C12orf42: variants seen among roughly 807,000 people sequenced by gnomAD.
C12orf42 encodes chromosome 12 open reading frame 42.
In C12orf42, 25 loss-of-function variants were observed where a neutral mutation model predicts 21.6. The ratio of observed to expected loss-of-function variants is 1.16; its 90% confidence interval spans 0.84 to 1.62. The LOEUF (loss-of-function observed/expected upper bound fraction) is 1.62. C12orf42 is among the 40% of genes most tolerant of loss of function. The probability of loss-of-function intolerance (pLI) is 0.00; values close to 1 mark genes in which losing one functional copy is unlikely to be tolerated. For missense variants in C12orf42, 483 were observed against 459.3 expected, an observed-to-expected ratio of 1.05 and a Z score of -0.47; for synonymous variants, 174 against 175.0, an observed-to-expected ratio of 0.99 and a Z score of 0.05.
the C12orf42 span, among the ~76,000 whole-genome samples, chr12:103,163,755 G>A: frequency 0.031 from 4,752 of 152,254 alleles, 256 homozygotes; most frequent in African/African-American, 0.11. Flanking sequence ...GTGATTAGCT[G>A]TGTGATATGG....
At chr12:103,306,414 A>T in intron 4 of C12orf42, 69 bp from the exon 5 acceptor site, 1 of 1,478,888 alleles carries the variant, frequency 6.8e-7, no homozygotes, top group East Asian at 2.4e-5. Flanking sequence ...GGCAGGAAGG[A>T]TGGAGTCAGG....
At chr12:103,281,050 A>C (rs1391795698) in intron 4 of C12orf42, among the ~76,000 whole-genome samples, 1 of 152,266 alleles carries the variant, frequency 6.6e-6, no homozygotes, top group Non-Finnish European at 1.5e-5. Context: ...TGAAGTTTAC[A>C]TAGAAATAAA....
the C12orf42 span, chr12:103,550,384 C>T: frequency 6.6e-6 from 1 of 152,052 alleles, no homozygotes; most frequent in Admixed American, 6.6e-5. Flanking sequence ...GTAGAGTATT[C>T]CATCGTCCTA....
intron 3 of C12orf42, among the ~76,000 whole-genome samples, chr12:103,386,519 C>T (rs2138333538): frequency 6.6e-6 from 1 of 152,318 alleles, no homozygotes; most frequent in South Asian, 2.1e-4. Context: ...AAACGAATGA[C>T]TCTGGTTAAG....
the C12orf42 span, among the ~76,000 whole-genome samples, chr12:103,562,299 G>A: frequency 2.6e-5 from 4 of 152,242 alleles, no homozygotes; most frequent in East Asian, 1.9e-4. Flanking sequence ...CAGAACTTCT[G>A]CTAAAGTTGT....
At chr12:103,426,846 T>A (rs1034965574) in intron 2 of C12orf42, among the ~76,000 whole-genome samples, 1 of 152,158 alleles carries the variant, frequency 6.6e-6, no homozygotes, top group Non-Finnish European at 1.5e-5. Flanking sequence ...GAATTTCATA[T>A]CCAGCCAAAC....
chr12:103,453,221 ATTTC>A, intron 2 of C12orf42, among the ~76,000 whole-genome samples: 1 of 151,368 alleles, frequency 6.6e-6, no homozygotes, highest in Non-Finnish European at 1.5e-5. Flanking sequence ...CAGGTTTTCT[ATTTC>A]TTCTTAGATT....
intron 6 of C12orf42, chr12:103,269,083 C>G (rs986460792): frequency 5.9e-5 from 9 of 152,146 alleles, no homozygotes; most frequent in Non-Finnish European, 8.8e-5. Context: ...CTTCTGATGA[C>G]AACTTCAGAG....
intron 4 of C12orf42, among the ~76,000 whole-genome samples, chr12:103,288,006 C>A (rs550414399): frequency 6.6e-6 from 1 of 152,166 alleles, no homozygotes; most frequent in African/African-American, 2.4e-5. Context: ...TCCCTGATGA[C>A]CAAACAGCGA....
chr12:103,535,788 T>C, the C12orf42 span, among the ~76,000 whole-genome samples: 22 of 152,104 alleles, frequency 1.4e-4, no homozygotes, highest in Non-Finnish European at 2.6e-4. Flanking sequence ...TAAGAATTTT[T>C]TTATTTTTAG....
At chr12:103,273,082 C>T (rs1463362254) in intron 5 of C12orf42, among the ~76,000 whole-genome samples, 3 of 152,182 alleles carry the variant, frequency 2.0e-5, no homozygotes, top group Non-Finnish European at 4.4e-5. Flanking sequence ...TTTCCTCCCA[C>T]ATCTTCAACA....
At chr12:103,050,003 T>C in the C12orf42 span, among the ~76,000 whole-genome samples, 1 of 152,206 alleles carries the variant, frequency 6.6e-6, no homozygotes, top group African/African-American at 2.4e-5. Context: ...TTGGTTGTTA[T>C]CTGTTGCCCC....
the C12orf42 span, among the ~76,000 whole-genome samples, chr12:103,148,296 C>A: frequency 6.6e-6 from 1 of 152,136 alleles, no homozygotes; most frequent in Non-Finnish European, 1.5e-5. Flanking sequence ...CTCTATGATT[C>A]TATCAAGAGT....
At chr12:103,262,074 C>T (rs979689425) in intron 10 of C12orf42, among the ~76,000 whole-genome samples, 7 of 152,216 alleles carry the variant, frequency 4.6e-5, no homozygotes, top group East Asian at 3.9e-4. Flanking sequence ...GAATATGTCA[C>T]GGTTTGTACC....
At chr12:103,134,412 T>C in the C12orf42 span, among the ~76,000 whole-genome samples, 1 of 151,936 alleles carries the variant, frequency 6.6e-6, no homozygotes, top group Non-Finnish European at 1.5e-5. Context: ...AAGAGCTAGA[T>C]ACCATAAAAA....
chr12:103,301,349 T>A (rs1472974852), downstream of C12orf42, among the ~76,000 whole-genome samples: 1 of 152,142 alleles, frequency 6.6e-6, no homozygotes, highest in Non-Finnish European at 1.5e-5. Flanking sequence ...AAAACCCTAC[T>A]ATATTAAAAA....
the C12orf42 span, among the ~76,000 whole-genome samples, chr12:103,066,618 T>A: frequency 6.6e-6 from 1 of 152,094 alleles, no homozygotes; most frequent in Non-Finnish European, 1.5e-5. Context: ...AGCAGTGCAC[T>A]GTTTGTGCTC....
the C12orf42 span, among the ~76,000 whole-genome samples, chr12:103,105,076 C>T: frequency 2.0e-4 from 31 of 152,272 alleles, no homozygotes; most frequent in Admixed American, 2.6e-4. Context: ...TTGTCTTATA[C>T]AGAAATCTCT....
rs75296375 is a variant in C12orf42 at position 103,278,355 on chromosome 12, T to C, written n.338-1145A>G. ...ATACACTTTAAAAATCATCTCTGTT[T>C]TTTCTCCACTAAGACAGAAAAAAGA... is the stretch of plus-strand genomic sequence containing the variant. On this transcript the variant is annotated intron_variant and non_coding_transcript_variant, in intron 4 of 6. Transcript: ENST00000546526. Among the ~76,000 whole-genome samples, 1,460 of 152,294 alleles carry C rather than the reference T, an allele frequency of 9.6e-3. 23 individuals carry two copies. The highest frequency in any genetic ancestry group is 0.027 in the African/African-American group (1,110 of 41,550).
Sources: allele counts gnomAD v4.1 joint callset (sites outside exome capture counted in the v4.1 genomes callset), GRCh38; gene constraint gnomAD v4.1.1; transcripts MANE v1.5; gene names NCBI Gene and HGNC (gene_info 2026-07-23, HGNC 2026-07-21).